Variants in NPM2 observed in about 807,000 individuals in gnomAD.
NPM2 encodes nucleophosmin/nucleoplasmin 2, also known as nucleoplasmin-2.
A neutral mutation model predicts 32.0 loss-of-function variants in NPM2; 25 were observed. That is an observed-to-expected ratio of 0.78 (90% CI 0.57 to 1.09). The LOEUF is 1.09. Ranked by LOEUF, NPM2 falls within the 50% of genes least tolerant of loss-of-function variation. The probability of loss-of-function intolerance (pLI) is 0.00; values close to 1 mark genes in which losing one functional copy is unlikely to be tolerated. For missense variants in NPM2, 282 were observed against 259.9 expected, an observed-to-expected ratio of 1.08 and a Z score of -0.58; for synonymous variants, 111 against 94.2, an observed-to-expected ratio of 1.18 and a Z score of -1.04.
intron 5 of NPM2, among the ~76,000 whole-genome samples, chr8:22,030,223 T>A (rs905544346): frequency 6.6e-6 from 1 of 152,186 alleles, no homozygotes; most frequent in African/African-American, 2.4e-5. Context: ...TGCTTTTTAA[T>A]CATTTGATCA....
intron 5 of NPM2, among the ~76,000 whole-genome samples, chr8:22,029,657 T>G (rs1263207893): frequency 6.6e-6 from 1 of 152,246 alleles, no homozygotes; most frequent in Admixed American, 6.5e-5. Context: ...CAACATACTT[T>G]AGTAAGCCTG....
intron 5 of NPM2, among the ~76,000 whole-genome samples, chr8:22,032,552 C>T (rs1382166684): frequency 2.6e-5 from 4 of 152,170 alleles, no homozygotes; most frequent in Non-Finnish European, 4.4e-5. Context: ...ATACCACAGA[C>T]TGGAGGGCTT....
In NPM2 at chr8:22,034,480, T is replaced by C; in HGVS notation, c.532-30T>C. The C allele has an allele frequency of 3.1e-6, 5 of 1,598,882 alleles. No individual in the cohort carries two copies. The South Asian group carries it at 5.5e-5, about 18-fold the overall frequency. On this transcript the variant is annotated intron_variant, in intron 7 of 9. Coordinates refer to ENST00000518119, the MANE Select transcript of NPM2 (RefSeq NM_001286680.2). ...TTCTGGCTCTGGACTTTGTCTGAAC[T>C]CTCATAATACACTGTTTTTTGGTTC...
intron 5 of NPM2, among the ~76,000 whole-genome samples, chr8:22,031,930 C>A (rs1800455648): frequency 6.6e-6 from 1 of 152,164 alleles, no homozygotes; most frequent in Admixed American, 6.5e-5. Flanking sequence ...TCTTACTGTT[C>A]AGCCATGCAG....
At chr8:22,027,223 G>A (rs915237490) in intron 5 of NPM2, among the ~76,000 whole-genome samples, 1 of 152,134 alleles carries the variant, frequency 6.6e-6, no homozygotes, top group African/African-American at 2.4e-5. Flanking sequence ...AGGGTGGAGG[G>A]TTCTCTCCTA....
chr8:22,034,422 C>T, intron 7 of NPM2, 88 bp from the exon 8 acceptor site: 3 of 1,399,578 alleles, frequency 2.1e-6, no homozygotes, highest in Non-Finnish European at 3.0e-6. Context: ...TGGCCAGGAG[C>T]TCAGCGGGGA....
At chr8:22,029,954 T>C (rs1490513129) in intron 5 of NPM2, among the ~76,000 whole-genome samples, 2 of 152,014 alleles carry the variant, frequency 1.3e-5, no homozygotes, top group East Asian at 3.9e-4. Flanking sequence ...TTTTGTCTGT[T>C]CAGGACTTAG....
At chr8:22,025,585 CT>C in intron 4 of NPM2, 61 bp from the exon 5 acceptor site, 1 of 1,613,626 alleles carries the variant, frequency 6.2e-7, no homozygotes, top group Non-Finnish European at 8.5e-7. Flanking sequence ...CAACGGAGGG[CT>C]ATGGATTTCT....
chr8:22,025,943 T>A (rs1273560561), intron 5 of NPM2, among the ~76,000 whole-genome samples, 171 bp downstream of exon 5: 2 of 152,124 alleles, frequency 1.3e-5, no homozygotes, highest in Non-Finnish European at 2.9e-5. Context: ...TTCCTAGAGC[T>A]GTGTGACCTT....
intron 5 of NPM2, among the ~76,000 whole-genome samples, chr8:22,032,261 G>C (rs927807518): frequency 1.3e-5 from 2 of 152,210 alleles, no homozygotes; most frequent in Non-Finnish European, 2.9e-5. Flanking sequence ...ACTATCGACT[G>C]ACAATTATGG....
At chr8:22,033,362 C>G in intron 6 of NPM2, 139 bp downstream of exon 6, 5 of 725,038 alleles carry the variant, frequency 6.9e-6, no homozygotes, top group Non-Finnish European at 1.2e-5. Flanking sequence ...AGCCAGCAGC[C>G]TGGACTGGAA....
intron 4 of NPM2, 25 bp from the exon 5 acceptor site, chr8:22,025,622 G>A (rs761686638): frequency 1.1e-5 from 18 of 1,614,014 alleles, no homozygotes; most frequent in South Asian, 1.1e-4. Flanking sequence ...GGTGATGAGG[G>A]GCCTCTATTT....
At chr8:22,032,257 G>A (rs192245802) in intron 5 of NPM2, among the ~76,000 whole-genome samples, 3 of 152,294 alleles carry the variant, frequency 2.0e-5, no homozygotes, top group African/African-American at 7.2e-5. Context: ...CCTTACTATC[G>A]ACTGACAATT....
chr8:22,031,801 C>T (rs939305648), intron 5 of NPM2, among the ~76,000 whole-genome samples: 22 of 152,156 alleles, frequency 1.4e-4, no homozygotes, highest in African/African-American at 5.3e-4. Flanking sequence ...GTCCATTTCC[C>T]CTCGGTTGCA....
chr8:22,034,868 G>A (rs1205512988), intron 8 of NPM2, among the ~76,000 whole-genome samples: 1 of 152,204 alleles, frequency 6.6e-6, no homozygotes, highest in Admixed American at 6.5e-5. Flanking sequence ...AGCACTTTGG[G>A]AGGCTAAGGC....
rs754777635 is a variant in NPM2, at chr8:22,025,242, C to T, written c.-7C>T. 8 of 1,611,016 alleles carry T rather than the reference C, an allele frequency of 5.0e-6. No homozygotes were observed. In the South Asian group the frequency reaches 6.6e-5, roughly 13 times the overall value. ...TGCCCGGCCAGCCCGCTTCTCTGCCCGGAGCCATGAATCTCAGTAGCGCCA... is the reference window on the plus strand; with the variant it reads ...TGCCCGGCCAGCCCGCTTCTCTGCCTGGAGCCATGAATCTCAGTAGCGCCA... On this transcript the variant is annotated 5_prime_UTR_variant, in exon 3 of 10. Transcript: ENST00000518119.
intron 5 of NPM2, 142 bp downstream of exon 5, chr8:22,025,914 G>A (rs1800234838): frequency 1.6e-6 from 2 of 1,234,606 alleles, no homozygotes; most frequent in South Asian, 2.7e-5. Context: ...GAAAGCCGGG[G>A]TCCAGCCCAG....
Position 22,034,671 on chromosome 8 carries a change from G to A in NPM2, c.566+127G>A, listed in dbSNP as rs547910631. 5.5e-5 allele frequency: 41 copies of A among 749,254 alleles called. No homozygotes were observed. The Middle Eastern group carries it at 9.8e-4, about 18-fold the overall frequency. The allele number at this position is 749,254 out of a possible 1,614,324, so 46.4% of individuals were successfully genotyped here. A position where few individuals can be genotyped will look rare whatever the true frequency, so the allele number is the denominator to read the frequency against. On this transcript the variant is annotated intron_variant, in intron 8 of 9. Transcript: ENST00000518119. The stretch of plus-strand genomic sequence containing the variant: ...ACGGTGTGTCTACCTGCACTCGCAG[G>A]CACATGGGTATGGAAGTGCTGAAGG...
chr8:22,036,708 G>A lies in NPM2; in HGVS notation c.*26G>A, dbSNP rs539968597. On this transcript the variant is annotated 3_prime_UTR_variant, in exon 10 of 10. Coordinates refer to ENST00000518119, the MANE Select transcript of NPM2 (RefSeq NM_001286680.2). ...GGAGCCACGCCTTGGGGGGCACGGT[G>A]CAAAGTGGGCCTTCCCTGGGCTGTG... 4.5e-6 allele frequency: 7 copies of A among 1,539,520 alleles called. No homozygotes were observed. The South Asian group carries it at 8.4e-5, about 19-fold the overall frequency.
Sources: gnomAD v4.1 joint callset for allele counts (sites outside exome capture counted in the v4.1 genomes callset) on GRCh38, gnomAD v4.1.1 for gene constraint, MANE v1.5 for transcripts, NCBI Gene and HGNC (gene_info 2026-07-23, HGNC 2026-07-21) for gene names.